TMEM117: variants seen among roughly 807,000 people sequenced by gnomAD.
TMEM117 encodes the protein transmembrane protein 117.
A neutral mutation model predicts 52.4 loss-of-function variants in TMEM117; 27 were observed. That is an observed-to-expected ratio of 0.51 (90% CI 0.38 to 0.71). TMEM117 has a LOEUF of 0.71. TMEM117 is among the 30% of genes least tolerant of loss of function. TMEM117 has a pLI of 0.00. For synonymous variants in TMEM117, 215 were observed against 206.3 expected (o/e 1.04, Z -0.36); for missense variants, 556 against 630.5 (o/e 0.88, Z 1.26).
At chr12:43,874,058 T>G (rs1352614499) in intron 2 of TMEM117, among the ~76,000 whole-genome samples, 2 of 152,192 alleles carry the variant, frequency 1.3e-5, no homozygotes, top group African/African-American at 4.8e-5. Flanking sequence ...TTCTTTTCAT[T>G]TATTTATTCT....
intron 5 of TMEM117, among the ~76,000 whole-genome samples, chr12:44,229,623 ACTT>A (rs1434698525): frequency 1.3e-5 from 2 of 152,010 alleles, no homozygotes; most frequent in African/African-American, 4.8e-5. Context: ...CCATCTTTTG[ACTT>A]CTTCTAATCT....
At chr12:43,890,580 G>A (rs1476719439) in intron 2 of TMEM117, among the ~76,000 whole-genome samples, 1 of 151,832 alleles carries the variant, frequency 6.6e-6, no homozygotes, top group Non-Finnish European at 1.5e-5. Flanking sequence ...CACCCAGGCT[G>A]GAGTGTAGTG....
chr12:43,835,546 TGG>T (rs1188434046), upstream of TMEM117, among the ~76,000 whole-genome samples: 1 of 152,138 alleles, frequency 6.6e-6, no homozygotes, highest in Non-Finnish European at 1.5e-5. Context: ...ATACTCCTCA[TGG>T]GCTCTGCCTC....
At chr12:44,097,215 A>G (rs1006220395) in intron 3 of TMEM117, among the ~76,000 whole-genome samples, 2 of 152,150 alleles carry the variant, frequency 1.3e-5, no homozygotes, top group African/African-American at 2.4e-5. Context: ...TCAGGAAACA[A>G]CAGGTGCTGG....
At chr12:44,097,589 A>T (rs1174342780) in intron 3 of TMEM117, among the ~76,000 whole-genome samples, 2 of 152,020 alleles carry the variant, frequency 1.3e-5, no homozygotes, top group Non-Finnish European at 2.9e-5. Flanking sequence ...CTTGGAAGTC[A>T]TCATTCTTAG....
At chr12:44,051,553 T>C (rs1946972795) in intron 3 of TMEM117, among the ~76,000 whole-genome samples, 1 of 152,192 alleles carries the variant, frequency 6.6e-6, no homozygotes, top group Non-Finnish European at 1.5e-5. Flanking sequence ...TCACTAAATA[T>C]TTCCTGTCCT....
intron 3 of TMEM117, among the ~76,000 whole-genome samples, chr12:44,006,360 A>G (rs1449117788): frequency 6.6e-6 from 1 of 152,148 alleles, no homozygotes; most frequent in East Asian, 1.9e-4. Flanking sequence ...TAATTCCTTG[A>G]CAGAAGACAT....
intron 4 of TMEM117, among the ~76,000 whole-genome samples, chr12:44,158,650 A>G (rs1263262988): frequency 6.6e-6 from 1 of 152,184 alleles, no homozygotes; most frequent in Non-Finnish European, 1.5e-5. Flanking sequence ...ATCTTAAAAA[A>G]TTTAATCATA....
chr12:43,892,787 TAAAG>T (rs1944131220), intron 2 of TMEM117, among the ~76,000 whole-genome samples: 1 of 152,128 alleles, frequency 6.6e-6, no homozygotes, highest in Non-Finnish European at 1.5e-5. Flanking sequence ...AGATAGACTA[TAAAG>T]AGATAAATGA....
In TMEM117 at chr12:44,372,291, C is replaced by A. The variant is rs544089102; in HGVS notation, c.769-4304C>A. The stretch of plus-strand genomic sequence containing the variant: ...CTGAACACCTCTTGCCTCGTCATTC[C>A]CTTAATTCAACATTTTTATCTTGTG... On this transcript the variant is annotated intron_variant, in intron 6 of 7. Coordinates refer to ENST00000266534, the MANE Select transcript of TMEM117 (RefSeq NM_032256.3). Among the ~76,000 whole-genome samples the A allele has an allele frequency of 1.1e-3, 172 of 152,252 alleles. 1 individual carries two copies. The highest frequency in any genetic ancestry group is 0.01 in the Middle Eastern group (3 of 294).
chr12:44,095,954 A>T (rs1195727313), intron 3 of TMEM117, among the ~76,000 whole-genome samples: 4 of 152,276 alleles, frequency 2.6e-5, no homozygotes, highest in South Asian at 4.1e-4. Context: ...ACATGATTGT[A>T]TATCTAGAAA....
intron 2 of TMEM117, among the ~76,000 whole-genome samples, chr12:43,877,796 G>C (rs1486242321): frequency 6.6e-6 from 1 of 151,624 alleles, no homozygotes; most frequent in Admixed American, 6.6e-5. Context: ...CCTTGGTTTA[G>C]ATCTGTTAAC....
At chr12:44,317,717 C>A (rs994248941) in intron 6 of TMEM117, among the ~76,000 whole-genome samples, 25 of 152,180 alleles carry the variant, frequency 1.6e-4, no homozygotes, top group African/African-American at 5.5e-4. Context: ...TGTGGTTCTA[C>A]CTACAGGCCA....
intron 2 of TMEM117, among the ~76,000 whole-genome samples, chr12:43,874,437 A>AG (rs1335142714): frequency 6.6e-6 from 1 of 151,544 alleles, no homozygotes; most frequent in East Asian, 1.9e-4. Flanking sequence ...AAAAAAAAAA[A>AG]AAATTTAGCC....
chr12:44,134,082 A>G (rs1210103081), intron 3 of TMEM117, among the ~76,000 whole-genome samples: 3 of 152,234 alleles, frequency 2.0e-5, no homozygotes, highest in African/African-American at 7.2e-5. Context: ...TATATTAGCT[A>G]GTTAAGTGAT....
chr12:43,804,530 C>T, the TMEM117 span: 9 of 1,602,448 alleles, frequency 5.6e-6, no homozygotes, highest in Non-Finnish European at 7.7e-6. Flanking sequence ...TCTGTACTTT[C>T]CATTTCTGGC....
chr12:43,812,262 A>G, the TMEM117 span, among the ~76,000 whole-genome samples: 1 of 152,226 alleles, frequency 6.6e-6, no homozygotes, highest in Non-Finnish European at 1.5e-5. Flanking sequence ...GAGTTCTCAG[A>G]GACAGCGCCT....
intron 2 of TMEM117, among the ~76,000 whole-genome samples, chr12:43,932,815 G>A (rs1466291556): frequency 6.6e-6 from 1 of 152,174 alleles, no homozygotes; most frequent in Non-Finnish European, 1.5e-5. Flanking sequence ...AGAGACAATA[G>A]CACATTTGCA....
intron 4 of TMEM117, 21 bp downstream of exon 4, chr12:44,143,645 C>A: frequency 6.4e-7 from 1 of 1,566,060 alleles, no homozygotes; most frequent in Non-Finnish European, 8.8e-7. Context: ...TTTAACTTCA[C>A]CCATTTCAAA....
Sources: allele counts gnomAD v4.1 joint callset (sites outside exome capture counted in the v4.1 genomes callset), GRCh38; gene constraint gnomAD v4.1.1; transcripts MANE v1.5; gene names NCBI Gene and HGNC (gene_info 2026-07-23, HGNC 2026-07-21).